Variants in SCFD1 observed in about 807,000 individuals in gnomAD.
SCFD1 encodes the protein sec1 family domain containing 1, also known as sec1 family domain-containing protein 1.
Under a neutral mutation model 103.2 loss-of-function variants are expected in SCFD1, and 37 were observed. That is an observed-to-expected ratio of 0.36 (90% CI 0.28 to 0.47). The LOEUF is 0.47. Among genes scored for constraint, SCFD1 ranks in the 20% least tolerant of loss-of-function variants. The pLI is 1.00. For missense variants in SCFD1, 639 were observed against 761.2 expected (o/e 0.84, Z 1.89); for synonymous variants, 264 against 245.0 (o/e 1.08, Z -0.73).
chr14:30,718,847 AT>A, intron 20 of SCFD1, among the ~76,000 whole-genome samples: 1 of 152,194 alleles, frequency 6.6e-6, no homozygotes, highest in Non-Finnish European at 1.5e-5. Flanking sequence ...GCTATGATTG[AT>A]TAGCAGTGTC....
intron 23 of SCFD1, among the ~76,000 whole-genome samples, chr14:30,723,729 T>A (rs914705244): frequency 6.6e-6 from 1 of 152,242 alleles, no homozygotes. Flanking sequence ...AACATGATCT[T>A]ATTCTTTTTT....
chr14:30,660,495 A>G (rs1270216105), intron 10 of SCFD1, among the ~76,000 whole-genome samples: 1 of 152,180 alleles, frequency 6.6e-6, no homozygotes, highest in African/African-American at 2.4e-5. Flanking sequence ...TTCTCCATAA[A>G]TCTTTTACCT....
chr14:30,709,747 C>T (rs143648688), intron 19 of SCFD1, among the ~76,000 whole-genome samples: 292 of 152,244 alleles, frequency 1.9e-3, no homozygotes, highest in Admixed American at 5.6e-3. Context: ...AGCCTGCGCC[C>T]GGTTCTTATT....
chr14:30,735,530 G>A (rs1893784783), intron 24 of SCFD1, 56 bp from the exon 25 acceptor site: 2 of 1,217,374 alleles, frequency 1.6e-6, no homozygotes, highest in Non-Finnish European at 2.4e-6. Flanking sequence ...ATGTTTGAAT[G>A]TTTCTTTTAT....
chr14:30,696,250 A>G (rs1890692219), intron 15 of SCFD1, among the ~76,000 whole-genome samples: 1 of 152,224 alleles, frequency 6.6e-6, no homozygotes, highest in South Asian at 2.1e-4. Flanking sequence ...AGTATTGCTC[A>G]CACTTTTAGA....
intron 14 of SCFD1, among the ~76,000 whole-genome samples, chr14:30,694,408 C>A (rs966308197): frequency 1.3e-5 from 2 of 152,052 alleles, no homozygotes; most frequent in African/African-American, 2.4e-5. Context: ...CACAGTTGCT[C>A]ACACCTGTAA....
chr14:30,665,806 A>G (rs542742569), intron 10 of SCFD1, among the ~76,000 whole-genome samples: 34 of 152,370 alleles, frequency 2.2e-4, no homozygotes, highest in African/African-American at 7.2e-4. Flanking sequence ...AGGCCATTAC[A>G]TAATGGTAAA....
chr14:30,632,046 GAAAAAAAAA>G (rs61645782), intron 3 of SCFD1, among the ~76,000 whole-genome samples: 230 of 70,276 alleles, frequency 3.3e-3, no homozygotes, highest in East Asian at 0.013. Context: ...AGATTCTGTT[GAAAAAAAAA>G]AAAAAAAAAA....
chr14:30,729,129 A>G (rs918513871), intron 23 of SCFD1, among the ~76,000 whole-genome samples: 1 of 152,086 alleles, frequency 6.6e-6, no homozygotes, highest in Non-Finnish European at 1.5e-5. Context: ...AGAATTCTTT[A>G]TGTAATATTG....
intron 16 of SCFD1, among the ~76,000 whole-genome samples, chr14:30,702,076 A>G (rs559515287): frequency 1.3e-5 from 2 of 152,310 alleles, no homozygotes; most frequent in Non-Finnish European, 2.9e-5. Context: ...GTACTTTTAT[A>G]GGTGATTTGG....
intron 10 of SCFD1, 40 bp from the exon 11 acceptor site, chr14:30,670,216 T>G: frequency 6.7e-7 from 1 of 1,494,586 alleles, no homozygotes; most frequent in Non-Finnish European, 9.1e-7. Context: ...TTTATTAGAC[T>G]TAGAAAACAG....
At position 30,649,527 on chromosome 14, in the gene SCFD1, G is replaced by T; in HGVS notation, c.614-1G>T. On this transcript the variant is annotated splice_acceptor_variant, in intron 7 of 24. Transcript: ENST00000458591. LOFTEE classifies it high-confidence loss of function. The stretch of plus-strand genomic sequence containing the variant: ...ATTTCTAACATTTATTGTTAAAATA[G>T]GTGCTGTTCCTATAATCAGATGTTC... 2 of 1,574,398 alleles carry T rather than the reference G, an allele frequency of 1.3e-6. No individual in the cohort carries two copies. The highest frequency in any genetic ancestry group is 1.7e-6 in the Non-Finnish European group (2 of 1,163,740).
chr14:30,670,304 A>C lies in SCFD1; in HGVS notation c.904A>C (p.Asn302His), dbSNP rs527918388. The C allele has an allele frequency of 1.3e-6, 2 of 1,598,026 alleles. No homozygotes were observed. Among genetic ancestry groups the C allele is most frequent in the South Asian group, 2.3e-5 (2 of 87,598 alleles). Residue 302 changes from asparagine to histidine, a missense_variant, in exon 11 of 25, where the codon AAC becomes CAC. By Grantham distance (68) the Asn-to-His change is moderately conservative. Coordinates refer to ENST00000458591, the MANE Select transcript of SCFD1 (RefSeq NM_016106.4). Reference protein sequence around the residue: ...VNLEESSGVENSPAGARPKRK... With the variant: ...VNLEESSGVEHSPAGARPKRK... ...TTTGGAAGAATCTTCAGGAGTGGAAAACTCTCCAGCTGGTGCTAGACCAAA... is the reference window on the plus strand; with the variant it reads ...TTTGGAAGAATCTTCAGGAGTGGAACACTCTCCAGCTGGTGCTAGACCAAA...
chr14:30,705,723 C>T, intron 17 of SCFD1, 100 bp from the exon 18 acceptor site: 1 of 825,044 alleles, frequency 1.2e-6, no homozygotes, highest in Non-Finnish European at 2.0e-6. Context: ...AAAATGTCTG[C>T]ATCATAGAAG....
At chr14:30,698,563 G>A (rs1442892357) in intron 15 of SCFD1, among the ~76,000 whole-genome samples, 2 of 152,178 alleles carry the variant, frequency 1.3e-5, no homozygotes, top group African/African-American at 2.4e-5. Flanking sequence ...CCTAAAACTC[G>A]GAGGGAGGGG....
At chr14:30,634,119 G>GA (rs1341897536) in intron 4 of SCFD1, 82 bp downstream of exon 4, 1 of 711,972 alleles carries the variant, frequency 1.4e-6, no homozygotes, top group Admixed American at 2.6e-5. Context: ...TGTCCAGGGT[G>GA]AAAAATCAGA....
chr14:30,716,431 CAATGAAATCATTGGGTGAA>C (rs776044770), intron 20 of SCFD1, among the ~76,000 whole-genome samples: 1 of 152,082 alleles, frequency 6.6e-6, no homozygotes, highest in African/African-American at 2.4e-5. Flanking sequence ...AGTAAATTGA[CAATGAAATCATTGGGTGAA>C]TAGACAAATG....
chr14:30,628,129 T>A, intron 1 of SCFD1, 80 bp from the exon 2 acceptor site: 1 of 945,946 alleles, frequency 1.1e-6, no homozygotes, highest in Non-Finnish European at 1.6e-6. Context: ...TTATTTTGCT[T>A]TGGGGTAGTG....
At chr14:30,683,163 T>A in intron 14 of SCFD1, 2 of 1,112,000 alleles carry the variant, frequency 1.8e-6, no homozygotes, top group Non-Finnish European at 2.7e-6. Context: ...AATGTTGGGT[T>A]CTCCTAGTAG....
Sources: allele counts gnomAD v4.1 joint callset (sites outside exome capture counted in the v4.1 genomes callset), GRCh38; gene constraint gnomAD v4.1.1; transcripts MANE v1.5; gene names NCBI Gene and HGNC (gene_info 2026-07-23, HGNC 2026-07-21).